GDI2: variants seen among roughly 807,000 people sequenced by gnomAD.
The protein encoded by GDI2 is rab GDP dissociation inhibitor beta.
Under a neutral mutation model 54.2 loss-of-function variants are expected in GDI2, and 22 were observed. That is an observed-to-expected ratio of 0.41 (90% CI 0.29 to 0.58). The LOEUF (loss-of-function observed/expected upper bound fraction) is 0.58, where lower values mean the gene tolerates loss of function less well. Among genes scored for constraint, GDI2 ranks in the 20% least tolerant of loss-of-function variants. The pLI is 0.35. For synonymous variants in GDI2, 177 were observed against 182.1 expected, an observed-to-expected ratio of 0.97 and a Z score of 0.23; for missense variants, 422 against 546.0, an observed-to-expected ratio of 0.77 and a Z score of 2.26.
chr10:5,789,181 C>T (rs560089198), intron 4 of GDI2, among the ~76,000 whole-genome samples: 2 of 152,132 alleles, frequency 1.3e-5, no homozygotes, highest in East Asian at 3.9e-4. Context: ...CCACAGCTCA[C>T]TGCAGCCACC....
At chr10:5,806,319 A>C (rs1841379025) in intron 1 of GDI2, among the ~76,000 whole-genome samples, 1 of 150,256 alleles carries the variant, frequency 6.7e-6, no homozygotes, top group African/African-American at 2.5e-5. Flanking sequence ...TCATGCCTAT[A>C]ATCTCAGCCC....
chr10:5,770,166 A>G (rs1046177241), intron 7 of GDI2, among the ~76,000 whole-genome samples: 2 of 152,212 alleles, frequency 1.3e-5, no homozygotes, highest in Admixed American at 1.3e-4. Context: ...TATAAAATAT[A>G]GTAGTTAAAA....
intron 4 of GDI2, among the ~76,000 whole-genome samples, chr10:5,790,179 G>A (rs113073493): frequency 2.6e-5 from 4 of 152,334 alleles, no homozygotes; most frequent in Admixed American, 6.5e-5. Context: ...GTCTGCGGCT[G>A]CAGTTGCCCG....
intron 1 of GDI2, among the ~76,000 whole-genome samples, chr10:5,805,408 G>A (rs976895527): frequency 6.7e-6 from 1 of 149,022 alleles, no homozygotes; most frequent in African/African-American, 2.5e-5. Flanking sequence ...TGCAGACAGG[G>A]TCTCACTCCG....
chr10:5,800,156 G>A (rs1033388276), intron 2 of GDI2, among the ~76,000 whole-genome samples: 11 of 151,932 alleles, frequency 7.2e-5, no homozygotes, highest in African/African-American at 2.2e-4. Context: ...ATGTGTCCAC[G>A]TTCAAAAAAA....
At chr10:5,794,184 AAAAAATATAT>A (rs1231375508) in intron 4 of GDI2, among the ~76,000 whole-genome samples, 29 of 52,698 alleles carry the variant, frequency 5.5e-4, no homozygotes, top group South Asian at 1.9e-3. Flanking sequence ...AAAAAAAAAA[AAAAAATATAT>A]ATATATATAT....
chr10:5,799,654 GA>G (rs1456394086), intron 2 of GDI2, among the ~76,000 whole-genome samples: 1 of 152,150 alleles, frequency 6.6e-6, no homozygotes, highest in African/African-American at 2.4e-5. Flanking sequence ...TCTGTCTCCA[GA>G]AAAATAAATA....
rs767665480 is a variant in GDI2, at chr10:5,800,624, T to C, written c.127A>G (p.Ser43Gly). The change falls in exon 2 of 11, where the codon AGT (serine) becomes GGT (glycine). Residue 43 changes from serine to glycine, a missense_variant. Coordinates refer to ENST00000380191, the MANE Select transcript of GDI2 (RefSeq NM_001494.4). Reference sequence around the variant, plus strand: ...TCTTCCAATGGTGTTATAGATGCACTCTCTCCTCCGTAGTAAGGGTTTCGA... The same window carrying C: ...TCTTCCAATGGTGTTATAGATGCACCCTCTCCTCCGTAGTAAGGGTTTCGA... ...MDRNPYYGGESASITPLEDLY... is the reference protein window; with the variant it reads ...MDRNPYYGGEGASITPLEDLY... 6.3e-7 allele frequency: 1 copy of C among 1,578,720 alleles called. No individual in the cohort carries two copies. Among genetic ancestry groups the C allele is most frequent in the Non-Finnish European group, 8.7e-7 (1 of 1,147,626 alleles).
At chr10:5,804,906 T>C (rs1241553549) in intron 1 of GDI2, among the ~76,000 whole-genome samples, 1 of 151,764 alleles carries the variant, frequency 6.6e-6, no homozygotes, top group Non-Finnish European at 1.5e-5. Flanking sequence ...CGATCTCAGC[T>C]CACCACAACC....
At chr10:5,780,994 T>C (rs1437176939) in intron 6 of GDI2, among the ~76,000 whole-genome samples, 1 of 152,038 alleles carries the variant, frequency 6.6e-6, no homozygotes, top group African/African-American at 2.4e-5. Context: ...AGACTTAATA[T>C]AAAACTATAA....
At position 5,765,797 on chromosome 10, in the gene GDI2, G is replaced by T. The variant is rs1299992651; in HGVS notation, c.*209C>A. ...AAAAAAAAGCCAGTTTGGTTAAATT[G>T]AACAGAATGTGGTAACTGCCAATGC... On this transcript the variant is annotated 3_prime_UTR_variant, in exon 11 of 11. Coordinates refer to ENST00000380191, the MANE Select transcript of GDI2 (RefSeq NM_001494.4). 2.6e-5 allele frequency: 12 copies of T among 453,940 alleles called. No individual in the cohort carries two copies. The highest frequency in any genetic ancestry group is 3.9e-5 in the East Asian group (1 of 25,656). 28.1% of individuals were successfully genotyped at this position (453,940 alleles called of 1,614,324 possible). A position where few individuals can be genotyped will look rare whatever the true frequency, so the allele number is the denominator to read the frequency against.
At chr10:5,808,640 C>T (rs1268533655) in intron 1 of GDI2, among the ~76,000 whole-genome samples, 1 of 150,184 alleles carries the variant, frequency 6.7e-6, no homozygotes, top group Non-Finnish European at 1.5e-5. Context: ...TGAACCACCG[C>T]ACTCCAGCCT....
rs142230841 is a variant in GDI2 at position 5,768,043 on chromosome 10, G to A, written c.991+170C>T. 2.4e-4 allele frequency among the ~76,000 whole-genome samples: 37 copies of A among 152,182 alleles called. No individual in the cohort carries two copies. The highest frequency in any genetic ancestry group is 5.2e-4 in the Admixed American group (8 of 15,262). On this transcript the variant is annotated intron_variant, in intron 8 of 10. Coordinates refer to ENST00000380191, the MANE Select transcript of GDI2 (RefSeq NM_001494.4). The surrounding 1 kb of genome is among the most constrained non-coding windows in gnomAD (Gnocchi z 4.4). ...CTGGCTCCGAGTTGAATCTGTCCGC[G>A]TTGACACAATGCTGCCGGAGCAGGA...
rs550713920 is a variant in GDI2, at chr10:5,791,529, T to C, written c.388+3356A>G. 2.7e-3 allele frequency among the ~76,000 whole-genome samples: 413 copies of C among 152,030 alleles called. 6 individuals carry two copies. Among genetic ancestry groups the C allele is most frequent in the Non-Finnish European group, 5.2e-3 (356 of 67,958 alleles). On this transcript the variant is annotated intron_variant, in intron 4 of 10. Coordinates refer to ENST00000380191, the MANE Select transcript of GDI2 (RefSeq NM_001494.4). ...TTGGGAGGCCAAGGCGGACGGATCA[T>C]CTGAGGTCGGGAGTTTGAGACCAGC...
At chr10:5,790,776 A>C (rs1238766683) in intron 4 of GDI2, among the ~76,000 whole-genome samples, 2 of 152,012 alleles carry the variant, frequency 1.3e-5, no homozygotes, top group Non-Finnish European at 2.9e-5. Context: ...TTGAAGTCTT[A>C]ATCTCTGAAA....
At position 5,776,659 on chromosome 10, in the gene GDI2, T is replaced by C; in HGVS notation, c.720-2718A>G. Reference sequence around the variant, plus strand: ...TAGAAAAGGAGCTGGATGTAGATGCTGATTTTGTAGAAAAGTCAGAGTTAT... The same window carrying C: ...TAGAAAAGGAGCTGGATGTAGATGCCGATTTTGTAGAAAAGTCAGAGTTAT... On this transcript the variant is annotated intron_variant, in intron 6 of 10. Coordinates refer to ENST00000380191, the MANE Select transcript of GDI2 (RefSeq NM_001494.4). This position sits in a 1 kb window ranked among gnomAD's most constrained non-coding sequence, Gnocchi z 5.3. 6.8e-7 allele frequency: 1 copy of C among 1,474,274 alleles called. No individual in the cohort carries two copies. The highest frequency in any genetic ancestry group is 1.1e-5 in the South Asian group (1 of 87,282). 91.3% of individuals were successfully genotyped at this position (1,474,274 alleles called of 1,614,324 possible).
At chr10:5,780,259 AAT>A (rs1490362876) in intron 6 of GDI2, among the ~76,000 whole-genome samples, 14 of 151,206 alleles carry the variant, frequency 9.3e-5, no homozygotes, top group Non-Finnish European at 1.6e-4. Flanking sequence ...CCAAACTATA[AAT>A]ATAAGTGAAC....
chr10:5,769,579 A>AAG (rs1840438988), intron 7 of GDI2, among the ~76,000 whole-genome samples: 1 of 152,122 alleles, frequency 6.6e-6, no homozygotes, highest in African/African-American at 2.4e-5. Context: ...CAAAAGAAAA[A>AAG]AAAAAAAAAA....
intron 1 of GDI2, among the ~76,000 whole-genome samples, chr10:5,802,441 A>G (rs541934962): frequency 6.6e-6 from 1 of 152,152 alleles, no homozygotes; most frequent in Admixed American, 6.5e-5. Flanking sequence ...TCTACTAAAA[A>G]TACAAAACTT....
Sources: allele counts gnomAD v4.1 joint callset (sites outside exome capture counted in the v4.1 genomes callset), GRCh38; gene constraint gnomAD v4.1.1; non-coding constraint Gnocchi (gnomAD v3.1); transcripts MANE v1.5; gene names NCBI Gene and HGNC (gene_info 2026-07-23, HGNC 2026-07-21).